ZNF626: variants seen among roughly 807,000 people sequenced by gnomAD.
The protein encoded by ZNF626 is zinc finger protein 626.
ZNF626 carries 4 observed loss-of-function variants against 11.7 expected under a neutral mutation model. The observed-to-expected ratio is 0.34, with a 90% CI of 0.17 to 0.78. The LOEUF (loss-of-function observed/expected upper bound fraction) is 0.78, where lower values mean the gene tolerates loss of function less well. Ranked by LOEUF, ZNF626 falls within the 30% of genes least tolerant of loss-of-function variation. ZNF626 has a pLI of 0.57. For synonymous variants in ZNF626, 179 were observed against 198.6 expected (o/e 0.90, Z 0.83); for missense variants, 588 against 587.1 (o/e 1.00, Z -0.01).
intron 1 of ZNF626, 152 bp downstream of exon 1, chr19:20,661,292 G>A: frequency 9.4e-7 from 1 of 1,061,080 alleles, no homozygotes. Context: ...CCATTTTATG[G>A]CTGAACAGGA....
chr19:20,647,314 A>T (rs1279352479), intron 1 of ZNF626, among the ~76,000 whole-genome samples: 8 of 152,264 alleles, frequency 5.3e-5, no homozygotes, highest in Non-Finnish European at 1.0e-4. Context: ...AAAAAAAATA[A>T]GGACAGTTGC....
At position 20,620,862 on chromosome 19, in the gene ZNF626, C is replaced by CA. The variant is rs1568451672; in HGVS notation, c.*3427_*3428insT. On this transcript the variant is annotated 3_prime_UTR_variant, in exon 4 of 4. Transcript: ENST00000601440. ...GTATTTTTTCTTTTTTTTTTTGTGA[C>CA]GGAGTCTTGCTCTGTTGCCCAGGCT... is the stretch of plus-strand genomic sequence containing the variant. The CA allele has an allele frequency of 2.3e-5, 3 of 130,750 alleles. No homozygotes were observed. The highest frequency in any genetic ancestry group is 4.9e-5 in the Non-Finnish European group (3 of 60,736). The allele number at this position is 130,750 out of a possible 1,614,324, so 8.1% of individuals were successfully genotyped here. A position where few individuals can be genotyped will look rare whatever the true frequency, so the allele number is the denominator to read the frequency against.
chr19:20,626,885 GCCA>G (rs1969840995), intron 3 of ZNF626, among the ~76,000 whole-genome samples: 1 of 151,976 alleles, frequency 6.6e-6, no homozygotes, highest in South Asian at 2.1e-4. Flanking sequence ...AATGCTGGCA[GCCA>G]CCTGTAACCC....
intron 1 of ZNF626, among the ~76,000 whole-genome samples, chr19:20,657,889 A>G (rs1033448000): frequency 6.6e-6 from 1 of 152,156 alleles, no homozygotes; most frequent in African/African-American, 2.4e-5. Context: ...TTTATAAGTA[A>G]GAGCTAAGTA....
intron 2 of ZNF626, 85 bp from the exon 3 acceptor site, chr19:20,645,864 TA>T: frequency 1.1e-6 from 1 of 914,076 alleles, no homozygotes; most frequent in Non-Finnish European, 1.6e-6. Context: ...GAGGATGTGA[TA>T]AAATATTCTA....
chr19:20,629,618 A>G (rs1213885465), intron 3 of ZNF626, among the ~76,000 whole-genome samples: 2 of 152,196 alleles, frequency 1.3e-5, no homozygotes, highest in Non-Finnish European at 2.9e-5. Flanking sequence ...TGATTTTTGT[A>G]CATTGATTTT....
In ZNF626 at chr19:20,625,557, T is replaced by C; in HGVS notation, c.320A>G (p.Glu107Gly). The C allele has an allele frequency of 3.7e-6, 6 of 1,612,790 alleles. No individual in the cohort carries two copies. The highest frequency in any genetic ancestry group is 5.1e-6 in the Non-Finnish European group (6 of 1,179,524). Residue 107 changes from glutamate (E) to glycine (G), a missense_variant, in exon 4 of 4, where the codon GAA (glutamate) becomes GGA (glycine). Glu to Gly is a moderately conservative substitution (Grantham distance 98). This residue lies in a region of ZNF626 where 524 missense variants were observed against 470.1 expected (regional missense o/e 1.11). Transcript: ENST00000601440. ...TTTTTTTAACTGTAAATTGTCATGT[T>C]CACATTTTTCATATCTTCTCAGTAC... ...KVVLRRYEKC[E>G]HDNLQLKKGC... is the part of the protein sequence containing the mutation.
At chr19:20,632,589 A>G (rs1283701990) in intron 3 of ZNF626, among the ~76,000 whole-genome samples, 1 of 152,140 alleles carries the variant, frequency 6.6e-6, no homozygotes. Flanking sequence ...TCGGCTACAG[A>G]GGCTTCTGCA....
At chr19:20,636,256 T>C (rs1003264473) in intron 3 of ZNF626, among the ~76,000 whole-genome samples, 3 of 152,210 alleles carry the variant, frequency 2.0e-5, no homozygotes, top group Non-Finnish European at 4.4e-5. Flanking sequence ...GAAACAATTA[T>C]ATTGGCAATA....
rs1555768893 is a variant in ZNF626 at position 20,622,776 on chromosome 19, T to C, written c.*1514A>G. 2 of 152,218 alleles carry C rather than the reference T, an allele frequency of 1.3e-5. No homozygotes were observed. Among genetic ancestry groups the C allele is most frequent in the Admixed American group, 6.5e-5 (1 of 15,286 alleles). The allele number at this position is 152,218 out of a possible 1,614,324, so 9.4% of individuals were successfully genotyped here. A position where few individuals can be genotyped will look rare whatever the true frequency, so the allele number is the denominator to read the frequency against. ...TTTAATGTAATGTCTGAAGTGTCAG[T>C]GCCTTAGTTATTCTGTAAATTCTGA... On this transcript the variant is annotated 3_prime_UTR_variant, in exon 4 of 4. Transcript: ENST00000601440.
At chr19:20,657,129 G>A (rs1970213504) in intron 1 of ZNF626, among the ~76,000 whole-genome samples, 1 of 152,122 alleles carries the variant, frequency 6.6e-6, no homozygotes, top group African/African-American at 2.4e-5. Context: ...CAGCATTTTG[G>A]GAGGCCGAGG....
chr19:20,660,539 G>A (rs973730302), intron 1 of ZNF626, among the ~76,000 whole-genome samples: 1 of 152,060 alleles, frequency 6.6e-6, no homozygotes, highest in Non-Finnish European at 1.5e-5. Context: ...CAATTCTCGT[G>A]CCTCAGCCTC....
intron 3 of ZNF626, among the ~76,000 whole-genome samples, chr19:20,629,613 T>C (rs1568455755): frequency 6.6e-6 from 1 of 152,210 alleles, no homozygotes; most frequent in Non-Finnish European, 1.5e-5. Context: ...GCTTGTGATT[T>C]TTGTACATTG....
At chr19:20,655,812 G>C in intron 1 of ZNF626, among the ~76,000 whole-genome samples, 1 of 152,048 alleles carries the variant, frequency 6.6e-6, no homozygotes, top group East Asian at 1.9e-4. Context: ...GCGGGTGCCT[G>C]TAGTCCCAGC....
chr19:20,626,318 A>G (rs1969831870), intron 3 of ZNF626, among the ~76,000 whole-genome samples: 1 of 152,220 alleles, frequency 6.6e-6, no homozygotes. Context: ...AAAAATCTCA[A>G]AGATTACAAT....
intron 1 of ZNF626, among the ~76,000 whole-genome samples, chr19:20,651,663 C>T (rs377567945): frequency 6.6e-6 from 1 of 152,124 alleles, no homozygotes; most frequent in African/African-American, 2.4e-5. Context: ...GTCTCAAAGA[C>T]CACTAGATGA....
intron 3 of ZNF626, chr19:20,645,234 G>T: frequency 7.2e-7 from 1 of 1,380,704 alleles, no homozygotes; most frequent in East Asian, 2.7e-5. Flanking sequence ...AGAATGGACT[G>T]TGCAGAAAAA....
At chr19:20,629,411 T>C (rs1463908037) in intron 3 of ZNF626, among the ~76,000 whole-genome samples, 9 of 152,224 alleles carry the variant, frequency 5.9e-5, no homozygotes, top group Non-Finnish European at 1.3e-4. Flanking sequence ...TTCCTATTCA[T>C]GAGCATGGAA....
Position 20,623,928 on chromosome 19 carries a change from CT to C in ZNF626, c.*361del. ...AGTTCCTTAAAAAATCTGTCACATT[CT>C]TTATATTTGTAGAGTTTATATTTCA... On this transcript the variant is annotated 3_prime_UTR_variant, in exon 4 of 4. Transcript: ENST00000601440. 2.7e-6 allele frequency: 1 copy of C among 375,852 alleles called. No individual in the cohort carries two copies. The allele number at this position is 375,852 out of a possible 1,614,324, so 23.3% of individuals were successfully genotyped here.
Sources: gnomAD v4.1 joint callset for allele counts (sites outside exome capture counted in the v4.1 genomes callset) on GRCh38, gnomAD v4.1.1 for gene constraint, gnomAD v4.1.1 regional missense constraint, MANE v1.5 for transcripts, NCBI Gene and HGNC (gene_info 2026-07-23, HGNC 2026-07-21) for gene names.